KCNMA1: variants seen among roughly 807,000 people sequenced by gnomAD.
The protein encoded by KCNMA1 is Calcium-activated potassium channel subunit alpha-1.
Under a neutral mutation model 140.0 loss-of-function variants are expected in KCNMA1, and 29 were observed. The ratio of observed to expected loss-of-function variants is 0.21; its 90% CI spans 0.15 to 0.28. The LOEUF (loss-of-function observed/expected upper bound fraction) is 0.28, where lower values mean the gene tolerates loss of function less well. Ranked by LOEUF, KCNMA1 falls within the 10% of genes least tolerant of loss-of-function variation. The pLI is 1.00. For missense variants in KCNMA1, 880 were observed against 1,602.2 expected, an observed-to-expected ratio of 0.55 and a Z score of 7.70; for synonymous variants, 612 against 611.9, an observed-to-expected ratio of 1.00 and a Z score of 0.00.
intron 3 of KCNMA1, among the ~76,000 whole-genome samples, chr10:77,204,344 G>T (rs572697829): frequency 6.6e-6 from 1 of 152,122 alleles, no homozygotes; most frequent in African/African-American, 2.4e-5. Flanking sequence ...GCCATGAGAG[G>T]TCCAAGACCT....
intron 9 of KCNMA1, among the ~76,000 whole-genome samples, chr10:77,105,255 G>A (rs2097177629): frequency 6.6e-6 from 1 of 152,204 alleles, no homozygotes; most frequent in South Asian, 2.1e-4. Flanking sequence ...AGTGTTGATG[G>A]TGAAGAGGCT....
intron 3 of KCNMA1, among the ~76,000 whole-genome samples, chr10:77,221,110 AC>A (rs2049499441): frequency 6.6e-6 from 1 of 152,170 alleles, no homozygotes; most frequent in Non-Finnish European, 1.5e-5. Flanking sequence ...GGTCTTAACA[AC>A]CTTAATTATT....
intron 1 of KCNMA1, among the ~76,000 whole-genome samples, chr10:77,606,002 C>A (rs1021327652): frequency 4.6e-5 from 7 of 152,192 alleles, no homozygotes; most frequent in African/African-American, 1.4e-4. Context: ...CAAGCAGGTG[C>A]AGATAAGCCG....
chr10:77,039,240 C>T (rs748667237), intron 15 of KCNMA1: 6 of 498,106 alleles, frequency 1.2e-5, no homozygotes, highest in Non-Finnish European at 2.2e-5. Context: ...AATGTGTCTA[C>T]ATCACAGAAG....
chr10:77,201,756 T>C (rs2042556866), intron 3 of KCNMA1, among the ~76,000 whole-genome samples: 1 of 152,144 alleles, frequency 6.6e-6, no homozygotes. Flanking sequence ...GATGGAAGAG[T>C]TCTGTATACT....
At chr10:77,633,411 C>T (rs143364025) in intron 1 of KCNMA1, among the ~76,000 whole-genome samples, 2 of 152,290 alleles carry the variant, frequency 1.3e-5, no homozygotes, top group East Asian at 3.9e-4. Context: ...TCCCCCGTGA[C>T]TAGGACCCAA....
intron 9 of KCNMA1, among the ~76,000 whole-genome samples, chr10:77,093,917 G>A (rs1283653458): frequency 6.6e-6 from 1 of 152,142 alleles, no homozygotes; most frequent in Non-Finnish European, 1.5e-5. Context: ...ATAGCCCTGT[G>A]TTAACTCAGC....
At chr10:77,050,975 C>T (rs1373058055) in intron 14 of KCNMA1, among the ~76,000 whole-genome samples, 6 of 152,176 alleles carry the variant, frequency 3.9e-5, no homozygotes, top group Non-Finnish European at 8.8e-5. Context: ...GATTTATCTA[C>T]TTAGTCTCTC....
chr10:77,636,349 C>G (rs1415686631), intron 1 of KCNMA1: 2 of 1,529,876 alleles, frequency 1.3e-6, no homozygotes, highest in Non-Finnish European at 1.8e-6. Context: ...GAAGGTGTCG[C>G]CAGCCTCAGT....
intron 1 of KCNMA1, among the ~76,000 whole-genome samples, chr10:77,600,610 T>C (rs2154566277): frequency 6.6e-6 from 1 of 152,236 alleles, no homozygotes; most frequent in South Asian, 2.1e-4. Flanking sequence ...TAGCCGGGCT[T>C]GGTGGCACAT....
intron 15 of KCNMA1, chr10:77,039,222 T>C: frequency 4.4e-6 from 2 of 450,302 alleles, no homozygotes; most frequent in Non-Finnish European, 8.2e-6. Context: ...TTTATGCCAC[T>C]CTTCATAAAT....
intron 10 of KCNMA1, among the ~76,000 whole-genome samples, chr10:77,087,691 T>G (rs1237467165): frequency 2.6e-5 from 4 of 152,208 alleles, no homozygotes; most frequent in African/African-American, 9.6e-5. Context: ...GGACAAGGAT[T>G]AAACAAGTGA....
intron 3 of KCNMA1, among the ~76,000 whole-genome samples, chr10:77,244,330 G>A (rs2058062892): frequency 6.6e-6 from 1 of 152,148 alleles, no homozygotes; most frequent in Admixed American, 6.5e-5. Context: ...GTCTTTTGTG[G>A]CAGACCTGAA....
intron 1 of KCNMA1, among the ~76,000 whole-genome samples, chr10:77,537,663 G>GA (rs908952435): frequency 7.3e-5 from 11 of 151,360 alleles, no homozygotes; most frequent in African/African-American, 2.4e-4. Context: ...TCTAAAGGAA[G>GA]AAAAAAAAAT....
chr10:77,037,269 A>G (rs1261310407), intron 15 of KCNMA1, among the ~76,000 whole-genome samples: 2 of 152,162 alleles, frequency 1.3e-5, no homozygotes, highest in Admixed American at 6.5e-5. Context: ...CTGGTTTAAG[A>G]TATCAGGGAG....
intron 23 of KCNMA1, among the ~76,000 whole-genome samples, chr10:76,915,764 C>T (rs1379745122): frequency 6.6e-6 from 1 of 152,150 alleles, no homozygotes. Flanking sequence ...GTCAGGAAAT[C>T]TTCCTGGGGC....
At chr10:77,488,226 T>C (rs1216425936) in intron 1 of KCNMA1, among the ~76,000 whole-genome samples, 1 of 152,170 alleles carries the variant, frequency 6.6e-6, no homozygotes, top group Non-Finnish European at 1.5e-5. Flanking sequence ...GGCCACCAAG[T>C]TGTGGCTGTG....
chr10:77,293,676 A>G (rs996942020), intron 2 of KCNMA1, among the ~76,000 whole-genome samples: 2 of 152,212 alleles, frequency 1.3e-5, no homozygotes, highest in Admixed American at 6.5e-5. Flanking sequence ...CAGAAAGCTG[A>G]AAGTTTCCAT....
chr10:77,271,035 C>T (rs2064983750), intron 2 of KCNMA1, among the ~76,000 whole-genome samples: 1 of 152,160 alleles, frequency 6.6e-6, no homozygotes, highest in African/African-American at 2.4e-5. Context: ...ACTTCATGCA[C>T]CTGACACCCC....
Sources: allele counts gnomAD v4.1 joint callset (sites outside exome capture counted in the v4.1 genomes callset), GRCh38; gene constraint gnomAD v4.1.1; transcripts MANE v1.5; gene names NCBI Gene and HGNC (gene_info 2026-07-23, HGNC 2026-07-21).